Variants in DCTN4 observed in about 807,000 individuals in gnomAD.
DCTN4 encodes the protein dynactin 4 (p62).
In DCTN4, 23 loss-of-function variants were observed where a neutral mutation model predicts 62.7. The ratio of observed to expected loss-of-function variants is 0.37; its 90% CI spans 0.26 to 0.52. DCTN4 has a LOEUF of 0.52. Among genes scored for constraint, DCTN4 ranks in the 20% least tolerant of loss-of-function variants. The probability of loss-of-function intolerance (pLI) is 0.92; values close to 1 mark genes in which losing one functional copy is unlikely to be tolerated. For missense variants in DCTN4, 514 were observed against 580.4 expected (o/e 0.89, Z 1.18); for synonymous variants, 199 against 202.1 (o/e 0.98, Z 0.13).
rs144515546 is a variant in DCTN4 at position 150,753,905 on chromosome 5, G to A, written c.207-248C>T. 3.6e-3 allele frequency among the ~76,000 whole-genome samples: 546 copies of A among 152,260 alleles called. 4 individuals carry two copies. The highest frequency in any genetic ancestry group is 0.013 in the African/African-American group (522 of 41,530). On this transcript the variant is annotated intron_variant, in intron 2 of 12. Transcript: ENST00000447998. ...CAGAGAGAACCATTGTTAACAGATG[G>A]AGTTTATGATTCCAGACTCTTTTTA...
chr5:150,716,729 C>A (rs377482891), intron 11 of DCTN4, among the ~76,000 whole-genome samples: 29 of 152,188 alleles, frequency 1.9e-4, no homozygotes, highest in African/African-American at 6.3e-4. Context: ...ACCATCCTGG[C>A]CAACAGGGTG....
At chr5:150,751,340 C>A (rs1320203017) in intron 3 of DCTN4, among the ~76,000 whole-genome samples, 1 of 151,358 alleles carries the variant, frequency 6.6e-6, no homozygotes, top group Non-Finnish European at 1.5e-5. Context: ...AGATACAGTT[C>A]TAGAAGCCAG....
intron 3 of DCTN4, among the ~76,000 whole-genome samples, chr5:150,752,251 G>A (rs1752703886): frequency 6.6e-6 from 1 of 152,088 alleles, no homozygotes; most frequent in African/African-American, 2.4e-5. Context: ...TCCACTCTAT[G>A]ATGTTAACCA....
intron 4 of DCTN4, among the ~76,000 whole-genome samples, chr5:150,740,662 A>G (rs1760734894): frequency 6.6e-6 from 1 of 152,242 alleles, no homozygotes; most frequent in African/African-American, 2.4e-5. Context: ...ATGCCCATCA[A>G]TCAATGAGTG....
chr5:150,715,734 AT>A, intron 11 of DCTN4, 72 bp from the exon 12 acceptor site: 2 of 1,196,764 alleles, frequency 1.7e-6, no homozygotes, highest in Non-Finnish European at 2.5e-6. Context: ...TACGACATTG[AT>A]TTAGACAAAT....
intron 10 of DCTN4, among the ~76,000 whole-genome samples, chr5:150,719,222 T>C (rs538200720): frequency 2.4e-4 from 37 of 152,292 alleles, no homozygotes; most frequent in Admixed American, 7.8e-4. Flanking sequence ...GCCCATGTAA[T>C]AAATATTTGT....
chr5:150,721,828 AT>A (rs955975574), intron 9 of DCTN4, among the ~76,000 whole-genome samples: 5 of 151,902 alleles, frequency 3.3e-5, no homozygotes, highest in Admixed American at 1.3e-4. Context: ...TCTTAAAAAA[AT>A]TTTTTTTTCC....
intron 3 of DCTN4, among the ~76,000 whole-genome samples, chr5:150,753,048 G>T (rs1216458661): frequency 6.6e-6 from 1 of 151,998 alleles, no homozygotes; most frequent in Non-Finnish European, 1.5e-5. Context: ...GTATTTTTTA[G>T]TAGAGACGGG....
intron 4 of DCTN4, among the ~76,000 whole-genome samples, chr5:150,741,335 C>T (rs1226463242): frequency 6.6e-6 from 1 of 152,160 alleles, no homozygotes; most frequent in African/African-American, 2.4e-5. Flanking sequence ...TTATATTTTG[C>T]ATATATTTTA....
chr5:150,723,121 A>AAT (rs1760014461), intron 8 of DCTN4, 141 bp from the exon 9 acceptor site: 1 of 605,526 alleles, frequency 1.7e-6, no homozygotes, highest in African/African-American at 1.9e-5. Flanking sequence ...GTTTTTGAAT[A>AAT]ATGTATAGCA....
At chr5:150,748,798 G>A (rs1259962683) in intron 3 of DCTN4, among the ~76,000 whole-genome samples, 2 of 95,810 alleles carry the variant, frequency 2.1e-5, no homozygotes, top group Non-Finnish European at 4.2e-5. Context: ...GGGGTGGGGG[G>A]AGGGGGGAGG....
intron 4 of DCTN4, among the ~76,000 whole-genome samples, chr5:150,737,473 C>T (rs541278464): frequency 1.2e-4 from 18 of 152,256 alleles, no homozygotes; most frequent in South Asian, 8.3e-4. Flanking sequence ...ACTCTTGAAA[C>T]GATGCAAATT....
chr5:150,731,929 C>T, intron 5 of DCTN4: 1 of 1,551,322 alleles, frequency 6.4e-7, no homozygotes, highest in South Asian at 1.2e-5. Context: ...AAAATAGCAG[C>T]AGGTTGCAAC....
chr5:150,740,303 A>G (rs1760723242), intron 4 of DCTN4, among the ~76,000 whole-genome samples: 1 of 152,174 alleles, frequency 6.6e-6, no homozygotes. Flanking sequence ...AATGGCCAAC[A>G]AACATATTTA....
intron 7 of DCTN4, 128 bp from the exon 8 acceptor site, chr5:150,730,868 A>T: frequency 1.1e-6 from 1 of 889,066 alleles, no homozygotes; most frequent in Non-Finnish European, 1.8e-6. Flanking sequence ...GAAAATATAG[A>T]AAGTTGACAT....
intron 1 of DCTN4, 192 bp downstream of exon 1, chr5:150,758,667 G>T: frequency 1.6e-6 from 2 of 1,283,376 alleles, no homozygotes; most frequent in Non-Finnish European, 2.1e-6. Flanking sequence ...GATCCGCTCA[G>T]TCCCACCCGA....
intron 9 of DCTN4, among the ~76,000 whole-genome samples, chr5:150,720,317 G>A (rs1339963218): frequency 6.6e-6 from 1 of 152,006 alleles, no homozygotes; most frequent in Admixed American, 6.5e-5. Flanking sequence ...GTGACCAGCA[G>A]GATTACCTGA....
chr5:150,715,936 C>T (rs959781289), intron 11 of DCTN4, among the ~76,000 whole-genome samples: 5 of 152,148 alleles, frequency 3.3e-5, no homozygotes, highest in African/African-American at 1.2e-4. Flanking sequence ...TGGAGTCTCA[C>T]TCTGTCGCCC....
Position 150,745,334 on chromosome 5 carries a change from T to G in DCTN4, c.386-3177A>C, listed in dbSNP as rs1232833589. ...CAAAGAGACTTAGACTCCCACACAATAATAATGGGAGACTTTAACACCCCA... is the reference window on the plus strand; with the variant it reads ...CAAAGAGACTTAGACTCCCACACAAGAATAATGGGAGACTTTAACACCCCA... On this transcript the variant is annotated intron_variant, in intron 3 of 12. Coordinates refer to ENST00000447998, the MANE Select transcript of DCTN4 (RefSeq NM_016221.4). Among the ~76,000 whole-genome samples the G allele has an allele frequency of 4.6e-5, 7 of 151,060 alleles. No homozygotes were observed. In the South Asian group the frequency reaches 8.4e-4, roughly 18 times the overall value.
Sources: allele counts gnomAD v4.1 joint callset (sites outside exome capture counted in the v4.1 genomes callset), GRCh38; gene constraint gnomAD v4.1.1; transcripts MANE v1.5; gene names NCBI Gene and HGNC (gene_info 2026-07-23, HGNC 2026-07-21).